The following DCDC1 variants were observed in gnomAD, a reference collection of about 807,000 sequenced individuals.
DCDC1 encodes doublecortin domain containing 1, also known as doublecortin domain-containing protein 1.
In DCDC1, 200 loss-of-function variants were observed where a neutral mutation model predicts 178.3. The ratio of observed to expected loss-of-function variants is 1.12; its 90% CI spans 1.00 to 1.26. The LOEUF (loss-of-function observed/expected upper bound fraction) is 1.26. Ranked by LOEUF, DCDC1 falls within the 50% of genes most tolerant of loss-of-function variation. The pLI is 0.00. For synonymous variants in DCDC1, 690 were observed against 604.8 expected, an observed-to-expected ratio of 1.14 and a Z score of -2.07; for missense variants, 1,983 against 1,749.2, an observed-to-expected ratio of 1.13 and a Z score of -2.38.
chr11:31,112,601 G>C (rs999759599), intron 11 of DCDC1, among the ~76,000 whole-genome samples: 1 of 152,108 alleles, frequency 6.6e-6, no homozygotes, highest in South Asian at 2.1e-4. Context: ...TAAGGTCATA[G>C]AACCTAAAAA....
At chr11:31,037,432 C>CTTT (rs398055131) in intron 20 of DCDC1, among the ~76,000 whole-genome samples, 2 of 58,904 alleles carry the variant, frequency 3.4e-5, no homozygotes, top group African/African-American at 6.5e-5. Flanking sequence ...ATATTTCTTT[C>CTTT]TTTTTTTTTT....
intron 1 of DCDC1, among the ~76,000 whole-genome samples, chr11:31,357,064 G>A (rs1252224259): frequency 1.3e-5 from 2 of 151,784 alleles, no homozygotes; most frequent in Admixed American, 6.6e-5. Context: ...AGAAAAAGAG[G>A]GAATCCTCCC....
At chr11:30,971,356 C>A (rs1949766066) in intron 20 of DCDC1, among the ~76,000 whole-genome samples, 1 of 151,832 alleles carries the variant, frequency 6.6e-6, no homozygotes. Flanking sequence ...AGAAAGAATT[C>A]AAAATAATGA....
intron 29 of DCDC1, among the ~76,000 whole-genome samples, chr11:30,907,106 C>A (rs1366642219): frequency 6.6e-6 from 1 of 152,028 alleles, no homozygotes; most frequent in Non-Finnish European, 1.5e-5. Flanking sequence ...CCTCCACTGC[C>A]CCAAAATGGG....
At chr11:31,237,056 T>C (rs759454868) in intron 9 of DCDC1, among the ~76,000 whole-genome samples, 2 of 151,918 alleles carry the variant, frequency 1.3e-5, no homozygotes, top group Non-Finnish European at 2.9e-5. Flanking sequence ...AAATACTTTA[T>C]GCAATAAACA....
In DCDC1 at chr11:31,315,568, C is replaced by A. The variant is rs750084452; in HGVS notation, c.165-7660G>T. Among the ~76,000 whole-genome samples the A allele has an allele frequency of 1.9e-4, 28 of 150,912 alleles. 1 individual carries two copies. Among genetic ancestry groups the A allele is most frequent in the Non-Finnish European group, 4.0e-4 (27 of 67,810 alleles). On this transcript the variant is annotated intron_variant, in intron 3 of 38. Coordinates refer to ENST00000684477, the MANE Select transcript of DCDC1 (RefSeq NM_001387274.1). ...AGCCAGGATGGTCTCGATCTCCTGA[C>A]CTTGTGATCCGCCCACCTGGGCCTC...
chr11:31,163,677 T>C (rs1325080340), intron 9 of DCDC1, among the ~76,000 whole-genome samples: 1 of 152,146 alleles, frequency 6.6e-6, no homozygotes, highest in Admixed American at 6.5e-5. Context: ...GGAACATGTG[T>C]TTAAGCATAT....
At chr11:31,181,655 G>A in intron 9 of DCDC1, among the ~76,000 whole-genome samples, 1 of 152,262 alleles carries the variant, frequency 6.6e-6, no homozygotes, top group South Asian at 2.1e-4. Context: ...CTAACAAAAA[G>A]AAAGAAATAG....
chr11:31,051,739 G>C (rs1955261223), intron 20 of DCDC1, among the ~76,000 whole-genome samples: 1 of 152,074 alleles, frequency 6.6e-6, no homozygotes, highest in Non-Finnish European at 1.5e-5. Flanking sequence ...ATCATATATG[G>C]AGAAAAGATA....
intron 9 of DCDC1, among the ~76,000 whole-genome samples, chr11:31,221,733 GT>G (rs1431236567): frequency 6.6e-6 from 1 of 152,138 alleles, no homozygotes; most frequent in African/African-American, 2.4e-5. Context: ...TTATCAAAGG[GT>G]TGCTCAGCCA....
chr11:31,195,416 A>T (rs1202736592), intron 9 of DCDC1, among the ~76,000 whole-genome samples: 1 of 152,128 alleles, frequency 6.6e-6, no homozygotes, highest in East Asian at 1.9e-4. Context: ...GAGACCATGA[A>T]TCATTCTATT....
chr11:31,006,632 G>A (rs1951860068), intron 20 of DCDC1, among the ~76,000 whole-genome samples: 1 of 152,162 alleles, frequency 6.6e-6, no homozygotes, highest in South Asian at 2.1e-4. Flanking sequence ...TATCTCATAA[G>A]ATGGCAGTGA....
At position 30,909,033 on chromosome 11, in the gene DCDC1, G is replaced by A; in HGVS notation, c.3831C>T (p.Ser1277=). ...ATGTAATTTCCTTATCCAAGGCAGT[G>A]CTATGAAAGGCCACAAGTGCTTTTA... ...KNIKALVAFH[S]TALDKEITSA... Residue 1277 remains serine (S), a synonymous_variant, in exon 29 of 39, where the codon AGC becomes AGT. Coordinates refer to ENST00000684477, the MANE Select transcript of DCDC1 (RefSeq NM_001387274.1). The A allele has an allele frequency of 6.2e-7, 1 of 1,612,654 alleles. No homozygotes were observed. The highest frequency in any genetic ancestry group is 8.5e-7 in the Non-Finnish European group (1 of 1,179,038).
chr11:30,939,667 TTC>T (rs1360562502), intron 21 of DCDC1, among the ~76,000 whole-genome samples: 16 of 152,316 alleles, frequency 1.1e-4, no homozygotes, highest in South Asian at 4.1e-4. Context: ...TGAAACTTTC[TTC>T]TCTTTAATGA....
chr11:30,931,682 A>C, intron 22 of DCDC1, 89 bp downstream of exon 22: 6 of 1,335,538 alleles, frequency 4.5e-6, no homozygotes, highest in Non-Finnish European at 5.0e-6. Flanking sequence ...TAAATACAGA[A>C]TTCCCACAGA....
intron 27 of DCDC1, among the ~76,000 whole-genome samples, chr11:30,915,230 A>C (rs970190544): frequency 1.3e-5 from 2 of 152,224 alleles, no homozygotes; most frequent in Non-Finnish European, 2.9e-5. Flanking sequence ...ATGCAAGTTC[A>C]GTCTTGAGCC....
At chr11:31,280,546 C>G (rs1946349592) in intron 7 of DCDC1, 1 of 284,130 alleles carries the variant, frequency 3.5e-6, no homozygotes. Flanking sequence ...GACTGCCCAA[C>G]AAAATATTCT....
intron 11 of DCDC1, among the ~76,000 whole-genome samples, chr11:31,116,397 GA>G (rs886483842): frequency 5.0e-4 from 75 of 149,382 alleles, no homozygotes; most frequent in African/African-American, 1.5e-3. Flanking sequence ...AATTAGCCAT[GA>G]AAAAAAAAAT....
At chr11:30,892,451 TG>T (rs1943865337) in intron 36 of DCDC1, among the ~76,000 whole-genome samples, 2 of 152,016 alleles carry the variant, frequency 1.3e-5, no homozygotes, top group South Asian at 4.2e-4. Context: ...CCAGCCTGGG[TG>T]ACAGAGTGAG....
Sources: gnomAD v4.1 joint callset for allele counts (sites outside exome capture counted in the v4.1 genomes callset) on GRCh38, gnomAD v4.1.1 for gene constraint, MANE v1.5 for transcripts, NCBI Gene and HGNC (gene_info 2026-07-23, HGNC 2026-07-21) for gene names.